The following CDKAL1 variants were observed in gnomAD, a reference collection of about 807,000 sequenced individuals.
CDKAL1 encodes CDKAL1 threonylcarbamoyladenosine tRNA methylthiotransferase.
CDKAL1 carries 32 observed loss-of-function variants against 68.2 expected under a neutral mutation model. That is an observed-to-expected ratio of 0.47 (90% CI 0.35 to 0.63). The LOEUF (loss-of-function observed/expected upper bound fraction) is 0.63, where lower values mean the gene tolerates loss of function less well. Ranked by LOEUF, CDKAL1 falls within the 30% of genes least tolerant of loss-of-function variation. CDKAL1 has a pLI of 0.00. For synonymous variants in CDKAL1, 234 were observed against 244.3 expected (o/e 0.96, Z 0.39); for missense variants, 606 against 696.7 (o/e 0.87, Z 1.47).
At chr6:21,048,258 A>T (rs78048830) in intron 11 of CDKAL1, among the ~76,000 whole-genome samples, 16,658 of 152,228 alleles carry the variant, frequency 0.11, 1,220 homozygotes, top group Non-Finnish European at 0.16. Context: ...AACTTTATTT[A>T]CAAAATCAGA....
At chr6:21,093,358 C>A (rs566743786) in intron 12 of CDKAL1, among the ~76,000 whole-genome samples, 1 of 152,168 alleles carries the variant, frequency 6.6e-6, no homozygotes, top group Non-Finnish European at 1.5e-5. Context: ...TCTCAGGAAG[C>A]CTTTCCAGAA....
At chr6:20,879,716 G>C (rs948512295) in intron 9 of CDKAL1, among the ~76,000 whole-genome samples, 6 of 152,052 alleles carry the variant, frequency 3.9e-5, no homozygotes, top group African/African-American at 1.4e-4. Flanking sequence ...TGACCTCTTT[G>C]GTTCTAAAAA....
At chr6:20,978,995 A>G (rs1765977095) in intron 10 of CDKAL1, among the ~76,000 whole-genome samples, 1 of 152,196 alleles carries the variant, frequency 6.6e-6, no homozygotes, top group African/African-American at 2.4e-5. Context: ...TCATATTCAT[A>G]ATTAGTCTTT....
intron 5 of CDKAL1, among the ~76,000 whole-genome samples, chr6:20,658,919 A>G (rs1427175835): frequency 6.6e-6 from 1 of 152,162 alleles, no homozygotes; most frequent in Non-Finnish European, 1.5e-5. Context: ...GGCCAAAGCA[A>G]TTCTACCATC....
intron 12 of CDKAL1, 85 bp from the exon 13 acceptor site, chr6:21,108,316 T>G: frequency 1.3e-6 from 1 of 792,922 alleles, no homozygotes; most frequent in Non-Finnish European, 2.1e-6. Context: ...TATGTAGAGA[T>G]ATATACACAC....
At chr6:20,959,878 A>G (rs1764968209) in intron 10 of CDKAL1, among the ~76,000 whole-genome samples, 1 of 152,190 alleles carries the variant, frequency 6.6e-6, no homozygotes, top group Non-Finnish European at 1.5e-5. Flanking sequence ...TAGGTAGCCT[A>G]CAGCTAAAGT....
At chr6:20,876,094 A>T (rs981927975) in intron 9 of CDKAL1, among the ~76,000 whole-genome samples, 6 of 152,256 alleles carry the variant, frequency 3.9e-5, no homozygotes, top group Non-Finnish European at 8.8e-5. Context: ...ATTAAAATGT[A>T]GGCAGTGTTT....
chr6:21,054,418 T>C (rs1029659438), intron 11 of CDKAL1, among the ~76,000 whole-genome samples: 2 of 152,140 alleles, frequency 1.3e-5, no homozygotes, highest in Admixed American at 6.5e-5. Flanking sequence ...TCTTCAAAAT[T>C]GTTCTGATTA....
chr6:20,564,902 A>T (rs1180139736), intron 4 of CDKAL1, among the ~76,000 whole-genome samples: 1 of 152,186 alleles, frequency 6.6e-6, no homozygotes, highest in South Asian at 2.1e-4. Context: ...TGATGAGAGG[A>T]GAATCTAGGT....
intron 7 of CDKAL1, among the ~76,000 whole-genome samples, chr6:20,776,180 T>C (rs1244500837): frequency 6.6e-6 from 1 of 152,242 alleles, no homozygotes; most frequent in Non-Finnish European, 1.5e-5. Flanking sequence ...CAGCAGGATA[T>C]AATGAAATTT....
intron 5 of CDKAL1, among the ~76,000 whole-genome samples, chr6:20,670,046 TTCTTA>T (rs1769736849): frequency 6.6e-6 from 1 of 152,198 alleles, no homozygotes; most frequent in Admixed American, 6.5e-5. Flanking sequence ...CATCTCCCTT[TTCTTA>T]TAAGTAACTC....
At chr6:21,136,210 C>A (rs1001446420) in intron 13 of CDKAL1, among the ~76,000 whole-genome samples, 3 of 152,158 alleles carry the variant, frequency 2.0e-5, no homozygotes, top group Admixed American at 2.0e-4. Context: ...TGTCATAGCA[C>A]AGATTTATAT....
intron 8 of CDKAL1, among the ~76,000 whole-genome samples, chr6:20,796,714 G>T (rs911069497): frequency 1.3e-5 from 2 of 152,128 alleles, no homozygotes; most frequent in Non-Finnish European, 2.9e-5. Context: ...TTTTGACAAA[G>T]GCGCAAAGTT....
chr6:20,803,403 C>G (rs989123672), intron 8 of CDKAL1, among the ~76,000 whole-genome samples: 1 of 152,200 alleles, frequency 6.6e-6, no homozygotes, highest in Admixed American at 6.5e-5. Flanking sequence ...TCTTTCAAAA[C>G]TTTGTCAAAT....
At chr6:20,644,237 C>T (rs749706435) in intron 4 of CDKAL1, among the ~76,000 whole-genome samples, 7 of 151,842 alleles carry the variant, frequency 4.6e-5, no homozygotes, top group Non-Finnish European at 7.4e-5. Context: ...AGCCGTATCC[C>T]CAGTACCCAG....
chr6:20,619,832 A>T (rs541457570), intron 4 of CDKAL1, among the ~76,000 whole-genome samples: 2 of 152,274 alleles, frequency 1.3e-5, no homozygotes, highest in East Asian at 3.9e-4. Context: ...ATTAAATTAA[A>T]ATGAAATTTC....
At chr6:21,141,726 A>T (rs1028471132) in intron 13 of CDKAL1, among the ~76,000 whole-genome samples, 2 of 152,176 alleles carry the variant, frequency 1.3e-5, no homozygotes, top group African/African-American at 4.8e-5. Flanking sequence ...TATCCACATA[A>T]AAGGGTTAGC....
intron 12 of CDKAL1, among the ~76,000 whole-genome samples, chr6:21,088,058 A>G (rs529237342): frequency 4.6e-5 from 7 of 152,262 alleles, no homozygotes; most frequent in African/African-American, 1.4e-4. Context: ...TTTGGGCCAC[A>G]GTTTCAGGCT....
chr6:20,746,915 A>C (rs1773686596), intron 6 of CDKAL1, among the ~76,000 whole-genome samples: 1 of 152,162 alleles, frequency 6.6e-6, no homozygotes, highest in South Asian at 2.1e-4. Flanking sequence ...TATTAAATAT[A>C]GCCCTGATGA....
Sources: gnomAD v4.1 joint callset for allele counts (sites outside exome capture counted in the v4.1 genomes callset) on GRCh38, gnomAD v4.1.1 for gene constraint, MANE v1.5 for transcripts, NCBI Gene and HGNC (gene_info 2026-07-23, HGNC 2026-07-21) for gene names.